The following VPS53 variants were observed in gnomAD, a reference collection of about 807,000 sequenced individuals.
The protein encoded by VPS53 is vacuolar protein sorting-associated protein 53 homolog.
Under a neutral mutation model 107.0 loss-of-function variants are expected in VPS53, and 70 were observed. The ratio of observed to expected loss-of-function variants is 0.65; its 90% CI spans 0.54 to 0.80. VPS53 has a LOEUF of 0.80. Among genes scored for constraint, VPS53 ranks in the 30% least tolerant of loss-of-function variants. VPS53 has a pLI of 0.00. For missense variants in VPS53, 917 were observed against 1,049.4 expected (o/e 0.87, Z 1.74); for synonymous variants, 409 against 393.3 (o/e 1.04, Z -0.47).
At position 603,817 on chromosome 17, in the gene VPS53, A is replaced by C. The variant is rs543500602; in HGVS notation, c.1117-1921T>G. Among the ~76,000 whole-genome samples the C allele has an allele frequency of 3.3e-5, 5 of 152,336 alleles. No individual in the cohort carries two copies. The East Asian group carries it at 7.7e-4, about 23-fold the overall frequency. Reference sequence around the variant, plus strand: ...TGAGTTGTCTTCTTAAGGGCTGCTGATATTTTAGAGAGAGAGGAATAGTAA... The same window carrying C: ...TGAGTTGTCTTCTTAAGGGCTGCTGCTATTTTAGAGAGAGAGGAATAGTAA... On this transcript the variant is annotated intron_variant, in intron 11 of 21. Coordinates refer to ENST00000437048, the MANE Select transcript of VPS53 (RefSeq NM_001128159.3).
At chr17:571,695 G>A (rs1914111515) in intron 13 of VPS53, among the ~76,000 whole-genome samples, 1 of 152,258 alleles carries the variant, frequency 6.6e-6, no homozygotes, top group South Asian at 2.1e-4. Flanking sequence ...GGCGCGCGCT[G>A]CCATGCCTGA....
At chr17:675,561 G>T (rs1237915025) in intron 4 of VPS53, 2 of 152,070 alleles carry the variant, frequency 1.3e-5, no homozygotes, top group African/African-American at 4.8e-5. Flanking sequence ...ATCACCTCAG[G>T]TTGGGTGTTC....
At chr17:663,291 C>A (rs978981376) in intron 4 of VPS53, among the ~76,000 whole-genome samples, 12 of 152,216 alleles carry the variant, frequency 7.9e-5, no homozygotes, top group African/African-American at 2.4e-4. Context: ...GAAAGTATTA[C>A]AACACAGCTG....
At chr17:675,699 A>G in intron 4 of VPS53, 1 of 142,364 alleles carries the variant, frequency 7.0e-6, no homozygotes, top group Non-Finnish European at 1.5e-5. Context: ...ACTTGAACCC[A>G]GGAGGCGGAG....
intron 4 of VPS53, among the ~76,000 whole-genome samples, chr17:677,239 G>A (rs364809): frequency 1 from 152,240 of 152,330 alleles, 76,075 homozygotes; most frequent in Non-Finnish European, 1. Flanking sequence ...ACAATGTGGT[G>A]GAACTACACC....
chr17:580,793 G>C (rs927450905), intron 13 of VPS53, among the ~76,000 whole-genome samples: 1 of 150,624 alleles, frequency 6.6e-6, no homozygotes, highest in Non-Finnish European at 1.5e-5. Context: ...TGCGTTCCCA[G>C]AGAACCTCCC....
At chr17:654,550 A>G (rs529987716) in intron 6 of VPS53, among the ~76,000 whole-genome samples, 12 of 152,052 alleles carry the variant, frequency 7.9e-5, no homozygotes, top group East Asian at 2.0e-4. Flanking sequence ...CATCCTGGCT[A>G]ACACGGCGAA....
chr17:628,319 G>C (rs573998163), intron 8 of VPS53, 88 bp from the exon 9 acceptor site: 4 of 1,490,386 alleles, frequency 2.7e-6, no homozygotes, highest in South Asian at 2.4e-5. Flanking sequence ...TTATCTCTAC[G>C]CATTGTCAGT....
intron 12 of VPS53, among the ~76,000 whole-genome samples, chr17:589,804 G>A (rs561325115): frequency 2.0e-5 from 3 of 152,240 alleles, no homozygotes; most frequent in African/African-American, 7.2e-5. Flanking sequence ...TTGAAGTCAG[G>A]TAGTGTGATG....
In VPS53 at chr17:653,386, G is replaced by T; in HGVS notation, c.513C>A (p.Tyr171Ter). The T allele has an allele frequency of 2.5e-6, 4 of 1,614,258 alleles. No individual in the cohort carries two copies. The highest frequency in any genetic ancestry group is 2.5e-6 in the Non-Finnish European group (3 of 1,180,052). Residue 171 changes from tyrosine (Y) to a stop codon, truncating the protein, a stop_gained, in exon 7 of 22, where the codon TAC becomes TAA. Coordinates refer to ENST00000437048, the MANE Select transcript of VPS53 (RefSeq NM_001128159.3). LOFTEE classifies it high-confidence loss of function. ...CCTGAAGGAGATTAGCAACTTCTCC[G>T]TATTGTCTTCGCCTGGTCATGGCTC... The part of the protein sequence containing the change: ...SLEAMTRRRQ[Y>*]GEVANLLQGV...
At chr17:632,868 G>A (rs543456993) in intron 7 of VPS53, 26 of 423,044 alleles carry the variant, frequency 6.1e-5, no homozygotes, top group Admixed American at 2.0e-4. Context: ...CAACAAGCTC[G>A]TTAAGTTTTT....
chr17:618,258 C>T lies in VPS53; in HGVS notation c.1116+5275G>A, dbSNP rs922784676. 2.4e-5 allele frequency among the ~76,000 whole-genome samples: 2 copies of T among 84,084 alleles called. 1 individual carries two copies. Among genetic ancestry groups the T allele is most frequent in the East Asian group, 6.1e-4 (2 of 3,264 alleles). The allele number at this position is 84,084 out of a possible 152,430, so 55.2% of individuals were successfully genotyped here. ...CTGGGACTACAGGCGTGCACCACCACGCCTGCTAATATTTCCCGGGTAGCT... is the reference window on the plus strand; with the variant it reads ...CTGGGACTACAGGCGTGCACCACCATGCCTGCTAATATTTCCCGGGTAGCT... On this transcript the variant is annotated intron_variant, in intron 11 of 21. Coordinates refer to ENST00000437048, the MANE Select transcript of VPS53 (RefSeq NM_001128159.3).
chr17:562,388 G>T, intron 14 of VPS53, 115 bp downstream of exon 14: 1 of 1,431,500 alleles, frequency 7.0e-7, no homozygotes, highest in Admixed American at 2.0e-5. Context: ...CAGGAAGCGT[G>T]CTTTCCTCCT....
chr17:610,753 T>TAAAAAAAAAAA (rs34089454), intron 11 of VPS53, among the ~76,000 whole-genome samples: 3 of 128,910 alleles, frequency 2.3e-5, no homozygotes, highest in East Asian at 2.3e-4. Context: ...CCGCCTCTAC[T>TAAAAAAAAAAA]AAAAAAAAAA....
intron 19 of VPS53, among the ~76,000 whole-genome samples, chr17:522,118 G>A (rs1054925507): frequency 6.6e-6 from 1 of 151,956 alleles, no homozygotes; most frequent in African/African-American, 2.4e-5. Context: ...GCCAGGCGTG[G>A]GGGTGCGCAT....
intron 11 of VPS53, among the ~76,000 whole-genome samples, chr17:617,829 G>A (rs1969222537): frequency 1.0e-5 from 1 of 100,222 alleles, no homozygotes; most frequent in African/African-American, 4.1e-5. Flanking sequence ...TATTTCCCGG[G>A]TAGCTGGGAC....
intron 18 of VPS53, among the ~76,000 whole-genome samples, chr17:534,104 C>T (rs941690425): frequency 2.6e-5 from 4 of 152,162 alleles, no homozygotes; most frequent in African/African-American, 7.2e-5. Flanking sequence ...CCCCACAAAG[C>T]GCTGGGATGA....
chr17:637,110 A>C (rs112289261), intron 7 of VPS53, among the ~76,000 whole-genome samples: 2 of 152,122 alleles, frequency 1.3e-5, no homozygotes, highest in Non-Finnish European at 2.9e-5. Flanking sequence ...TTATTGGTCT[A>C]TTCAGGGATT....
intron 17 of VPS53, among the ~76,000 whole-genome samples, chr17:541,293 A>T (rs1210326631): frequency 6.6e-6 from 1 of 152,226 alleles, no homozygotes; most frequent in Admixed American, 6.5e-5. Flanking sequence ...TCAGGTGGAG[A>T]CCAAAGAGAT....
Sources: allele counts gnomAD v4.1 joint callset (sites outside exome capture counted in the v4.1 genomes callset), GRCh38; gene constraint gnomAD v4.1.1; transcripts MANE v1.5; gene names NCBI Gene and HGNC (gene_info 2026-07-23, HGNC 2026-07-21).